Variants in DNAI1 observed in about 807,000 individuals in gnomAD.
The protein encoded by DNAI1 is dynein axonemal intermediate chain 1, also known as dynein, axonemal, intermediate polypeptide 1.
Under a neutral mutation model 92.0 loss-of-function variants are expected in DNAI1, and 67 were observed. The observed-to-expected ratio is 0.73, with a 90% CI of 0.60 to 0.89. The LOEUF (loss-of-function observed/expected upper bound fraction) is 0.89, where lower values mean the gene tolerates loss of function less well. Ranked by LOEUF, DNAI1 falls within the 40% of genes least tolerant of loss-of-function variation. The pLI, the probability that DNAI1 is intolerant of heterozygous loss-of-function variation, is 0.00. For missense variants in DNAI1, 839 were observed against 866.6 expected, an observed-to-expected ratio of 0.97 and a Z score of 0.40; for synonymous variants, 323 against 319.6, an observed-to-expected ratio of 1.01 and a Z score of -0.11.
intron 9 of DNAI1, among the ~76,000 whole-genome samples, chr9:34,495,016 T>C (rs902386830): frequency 6.6e-6 from 1 of 152,168 alleles, no homozygotes; most frequent in Non-Finnish European, 1.5e-5. Flanking sequence ...AAAACTCAAA[T>C]GTGCTGGAGG....
chr9:34,503,608 A>G lies in DNAI1; in HGVS notation c.1063+2427A>G, dbSNP rs193207408. Among the ~76,000 whole-genome samples the G allele has an allele frequency of 4.1e-3, 620 of 152,270 alleles. 3 individuals carry two copies. Among genetic ancestry groups the G allele is most frequent in the African/African-American group, 0.014 (586 of 41,574 alleles). ...TTTGGCAGGGGTAGGTATGTACCCT[A>G]GGAAGGACTGTAGCCATTCCCTCAT... On this transcript the variant is annotated intron_variant, in intron 12 of 19. Coordinates refer to ENST00000242317, the MANE Select transcript of DNAI1 (RefSeq NM_012144.4).
rs372643026 is a variant in DNAI1 at position 34,509,968 on chromosome 9, A to T, written c.1312-2141A>T. On this transcript the variant is annotated intron_variant, in intron 13 of 19. Coordinates refer to ENST00000242317, the MANE Select transcript of DNAI1 (RefSeq NM_012144.4). ...GAAAGTAATACAAGAAACCCAAGGG[A>T]CACCCAGAGGGAGGCATCCTCCAGG... 2.0e-5 allele frequency among the ~76,000 whole-genome samples: 3 copies of T among 152,058 alleles called. No individual in the cohort carries two copies. The East Asian group carries it at 5.8e-4, about 29-fold the overall frequency.
intron 1 of DNAI1, among the ~76,000 whole-genome samples, chr9:34,471,076 A>C (rs1824126011): frequency 6.6e-6 from 1 of 152,242 alleles, no homozygotes; most frequent in Non-Finnish European, 1.5e-5. Context: ...AAACATAAAA[A>C]TTGTGAGGTG....
chr9:34,494,462 C>T (rs1017407194), intron 9 of DNAI1, among the ~76,000 whole-genome samples: 1 of 152,170 alleles, frequency 6.6e-6, no homozygotes, highest in Non-Finnish European at 1.5e-5. Context: ...CCCTTGGCTT[C>T]CCCTGATCCA....
Position 34,513,181 on chromosome 9 carries a change from A to C in DNAI1, c.1559A>C (p.Lys520Thr). 1.2e-6 allele frequency: 2 copies of C among 1,614,088 alleles called. No homozygotes were observed. Among genetic ancestry groups the C allele is most frequent in the Non-Finnish European group, 1.7e-6 (2 of 1,179,958 alleles). Residue 520 changes from lysine to threonine, a missense_variant, in exon 16 of 20, where the codon AAA becomes ACA. Lys to Thr is a moderately conservative substitution (Grantham distance 78, BLOSUM62 -1). Coordinates refer to ENST00000242317, the MANE Select transcript of DNAI1 (RefSeq NM_012144.4). ...YMFLVGTEEG[K>T]IYKCSKSYSS... ...TTCCTAGTGGGCACAGAGGAGGGAA[A>C]AATCTACAAGGTGAGGCTGCCCTGT...
intron 19 of DNAI1, 122 bp downstream of exon 19, chr9:34,517,589 G>T (rs759578269): frequency 1.6e-5 from 18 of 1,150,020 alleles, no homozygotes; most frequent in Non-Finnish European, 2.3e-5. Context: ...GGGTAAGGAT[G>T]GTGTCATTGC....
At chr9:34,500,228 C>G (rs1171846863) in intron 10 of DNAI1, among the ~76,000 whole-genome samples, 2 of 152,052 alleles carry the variant, frequency 1.3e-5, no homozygotes, top group South Asian at 4.1e-4. Context: ...TCAGAGAACC[C>G]ATGGGGGATC....
At chr9:34,473,559 C>T (rs1427009978) in intron 1 of DNAI1, among the ~76,000 whole-genome samples, 2 of 151,988 alleles carry the variant, frequency 1.3e-5, no homozygotes, top group African/African-American at 2.4e-5. Flanking sequence ...CCCAAAGTGC[C>T]GGGATTACAG....
chr9:34,503,294 G>T (rs540303770), intron 12 of DNAI1, among the ~76,000 whole-genome samples: 11 of 152,180 alleles, frequency 7.2e-5, no homozygotes, highest in Non-Finnish European at 1.5e-4. Context: ...ATGCTCTTGA[G>T]TGCCTCCATG....
intron 10 of DNAI1, among the ~76,000 whole-genome samples, chr9:34,500,286 C>G (rs1275150029): frequency 6.6e-6 from 1 of 152,024 alleles, no homozygotes; most frequent in African/African-American, 2.4e-5. Flanking sequence ...TGAAAATGGG[C>G]TGCATTTTAG....
chr9:34,499,858 C>T (rs565944624), intron 10 of DNAI1, among the ~76,000 whole-genome samples: 1 of 152,074 alleles, frequency 6.6e-6, no homozygotes, highest in Non-Finnish European at 1.5e-5. Context: ...CAAGGAGAGC[C>T]ATTGAGGGGG....
chr9:34,470,493 A>G (rs1357990355), intron 1 of DNAI1, among the ~76,000 whole-genome samples: 1 of 152,242 alleles, frequency 6.6e-6, no homozygotes, highest in East Asian at 1.9e-4. Flanking sequence ...TCAAGACAGG[A>G]AGTATTCCCA....
chr9:34,464,613 G>T (rs191621180), intron 1 of DNAI1, among the ~76,000 whole-genome samples: 1 of 151,786 alleles, frequency 6.6e-6, no homozygotes, highest in Non-Finnish European at 1.5e-5. Context: ...CATGCATCAC[G>T]GTTTGTAATT....
chr9:34,499,576 A>T (rs888634808), intron 10 of DNAI1, among the ~76,000 whole-genome samples: 1 of 152,154 alleles, frequency 6.6e-6, no homozygotes, highest in African/African-American at 2.4e-5. Flanking sequence ...AGTGTGACAG[A>T]TGTTTCAGTA....
chr9:34,465,335 G>A (rs749087080), intron 1 of DNAI1, among the ~76,000 whole-genome samples: 1 of 152,220 alleles, frequency 6.6e-6, no homozygotes, highest in African/African-American at 2.4e-5. Context: ...GTTGTGGACA[G>A]GAGGAGGCAC....
intron 1 of DNAI1, among the ~76,000 whole-genome samples, chr9:34,469,267 T>C (rs945845577): frequency 1.4e-5 from 2 of 144,162 alleles, no homozygotes; most frequent in Non-Finnish European, 3.0e-5. Flanking sequence ...TGGCTTTTTT[T>C]TTTTTTTTTT....
chr9:34,485,490 C>A lies in DNAI1; in HGVS notation c.234C>A (p.Pro78=). 6.2e-7 allele frequency: 1 copy of A among 1,614,150 alleles called. No homozygotes were observed. The highest frequency in any genetic ancestry group is 8.5e-7 in the Non-Finnish European group (1 of 1,180,020). Residue 78 remains proline (P), a synonymous_variant, in exon 4 of 20, where the codon CCC becomes CCA. Transcript: ENST00000242317. ...TGACAGCCAACAACCCACACGCACC[C>A]CAGAACATTGTCAGGTACAGCTTCA... ...RILTANNPHA[P]QNIVRYSFKE...
intron 6 of DNAI1, 48 bp from the exon 7 acceptor site, chr9:34,490,321 A>G: frequency 6.2e-7 from 1 of 1,614,070 alleles, no homozygotes; most frequent in Non-Finnish European, 8.5e-7. Context: ...CCGGTTTTCT[A>G]CCACCTTCTC....
chr9:34,513,091 G>A, intron 15 of DNAI1, 21 bp from the exon 16 acceptor site: 1 of 1,609,380 alleles, frequency 6.2e-7, no homozygotes, highest in Non-Finnish European at 8.5e-7. Flanking sequence ...GGCTAAGCCT[G>A]CCCCTCCCTC....
Sources: gnomAD v4.1 joint callset for allele counts (sites outside exome capture counted in the v4.1 genomes callset) on GRCh38, gnomAD v4.1.1 for gene constraint, MANE v1.5 for transcripts, NCBI Gene and HGNC (gene_info 2026-07-23, HGNC 2026-07-21) for gene names.